The following ERBB4 variants were observed in gnomAD, a reference collection of about 807,000 sequenced individuals.
ERBB4 encodes the protein erb-b2 receptor tyrosine kinase 4.
Under a neutral mutation model 158.0 loss-of-function variants are expected in ERBB4, and 42 were observed. The observed-to-expected ratio is 0.27, with a 90% CI of 0.21 to 0.34. The LOEUF is 0.34. Ranked by LOEUF, ERBB4 falls within the 10% of genes least tolerant of loss-of-function variation. The pLI, the probability that ERBB4 is intolerant of heterozygous loss-of-function variation, is 1.00. For synonymous variants in ERBB4, 583 were observed against 558.7 expected, an observed-to-expected ratio of 1.04 and a Z score of -0.61; for missense variants, 1,333 against 1,624.1, an observed-to-expected ratio of 0.82 and a Z score of 3.08.
At chr2:211,856,814 G>C (rs1448761705) in intron 3 of ERBB4, among the ~76,000 whole-genome samples, 1 of 152,008 alleles carries the variant, frequency 6.6e-6, no homozygotes, top group Non-Finnish European at 1.5e-5. Context: ...TATTAATATA[G>C]CTGTTTCAAT....
At chr2:211,518,549 G>T (rs1336922729) in intron 20 of ERBB4, among the ~76,000 whole-genome samples, 1 of 152,002 alleles carries the variant, frequency 6.6e-6, no homozygotes. Flanking sequence ...GGCTACTCAG[G>T]AGGCTGAGGC....
intron 2 of ERBB4, among the ~76,000 whole-genome samples, chr2:211,999,655 A>C (rs183995438): frequency 7.5e-4 from 114 of 151,942 alleles, no homozygotes; most frequent in African/African-American, 2.6e-3. Context: ...CTTTGTAATT[A>C]ATCATGCTCA....
chr2:211,930,992 G>A (rs2080159439), intron 3 of ERBB4, among the ~76,000 whole-genome samples: 1 of 152,058 alleles, frequency 6.6e-6, no homozygotes, highest in African/African-American at 2.4e-5. Flanking sequence ...CTACTCAGCA[G>A]GGACATTTGA....
At chr2:211,967,673 A>G (rs2081343275) in intron 2 of ERBB4, among the ~76,000 whole-genome samples, 1 of 152,078 alleles carries the variant, frequency 6.6e-6, no homozygotes, top group South Asian at 2.1e-4. Context: ...TTTGAAGATT[A>G]TAATAACCAT....
chr2:212,073,798 A>T (rs922537406), intron 2 of ERBB4, among the ~76,000 whole-genome samples: 1 of 149,998 alleles, frequency 6.7e-6, no homozygotes, highest in African/African-American at 2.5e-5. Context: ...TACTTACACA[A>T]TCAAAGCATG....
At chr2:211,987,112 G>T (rs943375780) in intron 2 of ERBB4, among the ~76,000 whole-genome samples, 5 of 151,994 alleles carry the variant, frequency 3.3e-5, no homozygotes, top group South Asian at 2.1e-4. Flanking sequence ...CCTGAGGTCA[G>T]AAGTTGAAGG....
intron 7 of ERBB4, among the ~76,000 whole-genome samples, chr2:211,717,316 A>G (rs1370975680): frequency 6.6e-6 from 1 of 152,194 alleles, no homozygotes; most frequent in African/African-American, 2.4e-5. Context: ...ATAAGAGGTT[A>G]TTAGATGAAA....
intron 13 of ERBB4, among the ~76,000 whole-genome samples, chr2:211,678,733 A>G (rs895735506): frequency 3.9e-5 from 6 of 152,024 alleles, no homozygotes; most frequent in African/African-American, 1.2e-4. Context: ...TTGGGAGGCC[A>G]AGGCAGGCGG....
intron 2 of ERBB4, among the ~76,000 whole-genome samples, chr2:211,980,407 T>C (rs2081755805): frequency 6.6e-6 from 1 of 152,174 alleles, no homozygotes; most frequent in Non-Finnish European, 1.5e-5. Flanking sequence ...ATGAGATTCA[T>C]ACTCTGAATG....
chr2:212,268,686 T>C (rs1020258627), intron 1 of ERBB4, among the ~76,000 whole-genome samples: 1 of 151,828 alleles, frequency 6.6e-6, no homozygotes, highest in Non-Finnish European at 1.5e-5. Flanking sequence ...AAAGCAGTCA[T>C]AGATAATAGA....
intron 2 of ERBB4, among the ~76,000 whole-genome samples, chr2:212,069,672 C>T (rs569065397): frequency 2.0e-4 from 31 of 151,934 alleles, no homozygotes; most frequent in South Asian, 6.2e-4. Flanking sequence ...AAACATTTTA[C>T]GAAATACACA....
rs112005792 is a variant in ERBB4 at position 212,142,586 on chromosome 2, T to TTA, written c.83-17685_83-17684dup. ...GTCAAACAGTTAAATAAAGGACACA[T>TTA]TATATATATATATATAATATTAAAA... On this transcript the variant is annotated intron_variant, in intron 1 of 27. Coordinates refer to ENST00000342788, the MANE Select transcript of ERBB4 (RefSeq NM_005235.3). 2.8e-3 allele frequency among the ~76,000 whole-genome samples: 406 copies of TTA among 146,078 alleles called. 3 individuals are homozygous for TTA. The highest frequency in any genetic ancestry group is 0.023 in the South Asian group (109 of 4,672).
intron 1 of ERBB4, among the ~76,000 whole-genome samples, chr2:212,259,779 T>C (rs1266799130): frequency 2.6e-5 from 4 of 152,038 alleles, no homozygotes; most frequent in African/African-American, 4.8e-5. Context: ...ATAAGAAATA[T>C]ACTACTTGGG....
chr2:211,725,761 T>C (rs1292072233), intron 5 of ERBB4, among the ~76,000 whole-genome samples: 2 of 151,250 alleles, frequency 1.3e-5, no homozygotes, highest in Admixed American at 6.6e-5. Flanking sequence ...CTTTTAGTAG[T>C]CAATGCAGAA....
intron 20 of ERBB4, among the ~76,000 whole-genome samples, chr2:211,532,002 C>T (rs559520586): frequency 1.5e-4 from 23 of 152,092 alleles, no homozygotes; most frequent in Non-Finnish European, 2.2e-4. Context: ...ATGGATGGAA[C>T]TGGAGGTCAT....
At chr2:211,934,226 A>G (rs1288904345) in intron 3 of ERBB4, among the ~76,000 whole-genome samples, 1 of 152,028 alleles carries the variant, frequency 6.6e-6, no homozygotes, top group Non-Finnish European at 1.5e-5. Flanking sequence ...AAAATCACTT[A>G]CTGTAGCTAT....
chr2:211,687,981 T>G (rs536587525), intron 12 of ERBB4, among the ~76,000 whole-genome samples: 1 of 152,320 alleles, frequency 6.6e-6, no homozygotes, highest in Admixed American at 6.5e-5. Context: ...CTCTACCACT[T>G]CACATCTATT....
intron 25 of ERBB4, among the ~76,000 whole-genome samples, chr2:211,406,655 C>T (rs1027015278): frequency 4.6e-5 from 7 of 152,140 alleles, no homozygotes; most frequent in Non-Finnish European, 8.8e-5. Context: ...ACTCTCGAGC[C>T]AGGCTTCCAG....
chr2:212,468,231 A>G (rs979150566), intron 1 of ERBB4, among the ~76,000 whole-genome samples: 2 of 151,958 alleles, frequency 1.3e-5, no homozygotes, highest in Admixed American at 6.6e-5. Context: ...GCTTTGGGGG[A>G]CTGTTGGGAA....
Sources: gnomAD v4.1 joint callset for allele counts (sites outside exome capture counted in the v4.1 genomes callset) on GRCh38, gnomAD v4.1.1 for gene constraint, MANE v1.5 for transcripts, NCBI Gene and HGNC (gene_info 2026-07-23, HGNC 2026-07-21) for gene names.